The following NCOA6 variants were observed in gnomAD, a reference collection of about 807,000 sequenced individuals.
The protein encoded by NCOA6 is NRC RAP250.
Under a neutral mutation model 171.4 loss-of-function variants are expected in NCOA6, and 49 were observed. The ratio of observed to expected loss-of-function variants is 0.29; its 90% CI spans 0.23 to 0.36. NCOA6 has a LOEUF of 0.36. NCOA6 is among the 10% of genes least tolerant of loss of function. The pLI is 1.00. For missense variants in NCOA6, 2,248 were observed against 2,554.5 expected (o/e 0.88, Z 2.59); for synonymous variants, 910 against 927.5 (o/e 0.98, Z 0.34).
chr20:34,734,574 C>A (rs556135097), intron 12 of NCOA6, among the ~76,000 whole-genome samples: 3 of 152,108 alleles, frequency 2.0e-5, no homozygotes, highest in African/African-American at 7.2e-5. Context: ...TTGAACCCCT[C>A]GGCTCAATCA....
Position 34,758,837 on chromosome 20 carries a change from T to G in NCOA6, c.611A>C (p.Gln204Pro). The G allele has an allele frequency of 6.2e-7, 1 of 1,613,042 alleles. No individual in the cohort carries two copies. Among genetic ancestry groups the G allele is most frequent in the Non-Finnish European group, 8.5e-7 (1 of 1,179,774 alleles). The change falls in exon 6 of 15, where the codon CAG becomes CCG. Residue 204 changes from glutamine (Q) to proline (P), a missense_variant. This residue lies in a region of NCOA6 where 987 missense variants were observed against 1,104.7 expected (regional missense o/e 0.89). Coordinates refer to ENST00000359003, the MANE Select transcript of NCOA6 (RefSeq NM_014071.5). Reference protein sequence around the residue: ...MMAPGPNPELQPRTPRPASQS... With the variant: ...MMAPGPNPELPPRTPRPASQS... The stretch of plus-strand genomic sequence containing the variant: ...AGAAGCAGGGCGAGGAGTCCTGGGC[T>G]GCAGCTCTGGATTGGGGCCTGGTGC...
intron 2 of NCOA6, among the ~76,000 whole-genome samples, chr20:34,791,098 T>G (rs1055425316): frequency 1.4e-4 from 22 of 152,318 alleles, no homozygotes; most frequent in African/African-American, 5.1e-4. Flanking sequence ...GTTTTGGAAC[T>G]AGATAGAAGT....
intron 14 of NCOA6, 38 bp from the exon 15 acceptor site, chr20:34,715,403 C>T: frequency 1.3e-6 from 2 of 1,487,856 alleles, no homozygotes; most frequent in Non-Finnish European, 1.9e-6. Flanking sequence ...GTGGAAGTAA[C>T]TCTTTACAGC....
chr20:34,740,945 C>A lies in NCOA6; in HGVS notation c.5311G>T (p.Ala1771Ser). 1 of 1,614,168 alleles carries A rather than the reference C, an allele frequency of 6.2e-7. No individual in the cohort carries two copies. The highest frequency in any genetic ancestry group is 8.5e-7 in the Non-Finnish European group (1 of 1,180,044). The change falls in exon 11 of 15, where the codon GCT becomes TCT. Residue 1771 changes from alanine to serine, a missense_variant. Ala to Ser is a moderately conservative substitution (Grantham distance 99). This residue lies in a region of NCOA6 where 884 missense variants were observed against 941.9 expected (regional missense o/e 0.94). Coordinates refer to ENST00000359003, the MANE Select transcript of NCOA6 (RefSeq NM_014071.5). ...GCTGAGGTGTTCACCTGAGGGCTAG[C>A]CTCATCTGGATTCAATTCTTTCACT... ...QQVKELNPDE[A>S]SPQVNTSADQ...
intron 1 of NCOA6, among the ~76,000 whole-genome samples, chr20:34,811,789 G>A (rs1023450827): frequency 6.6e-6 from 1 of 152,118 alleles, no homozygotes; most frequent in Non-Finnish European, 1.5e-5. Context: ...AATTAAGTTG[G>A]CCTTGTAACC....
At chr20:34,817,273 T>C (rs1437334852) in intron 1 of NCOA6, among the ~76,000 whole-genome samples, 1 of 151,662 alleles carries the variant, frequency 6.6e-6, no homozygotes, top group African/African-American at 2.4e-5. Flanking sequence ...GGGGAGGGGT[T>C]GCAGCTGGTT....
chr20:34,759,064 C>G (rs1220816476), intron 5 of NCOA6, 131 bp from the exon 6 acceptor site: 2 of 971,996 alleles, frequency 2.1e-6, no homozygotes, highest in African/African-American at 3.3e-5. Flanking sequence ...GCTCTGTTGC[C>G]CAGTCTGCCA....
intron 11 of NCOA6, among the ~76,000 whole-genome samples, chr20:34,737,958 G>C (rs577834455): frequency 7.6e-4 from 116 of 152,258 alleles, no homozygotes; most frequent in African/African-American, 2.7e-3. Context: ...TAGTGCAATG[G>C]CAGGATCTCG....
chr20:34,741,793 G>A lies in NCOA6; in HGVS notation c.4463C>T (p.Pro1488Leu), dbSNP rs1261953281. 6.2e-7 allele frequency: 1 copy of A among 1,614,042 alleles called. No individual in the cohort carries two copies. Among genetic ancestry groups the A allele is most frequent in the African/African-American group, 1.3e-5 (1 of 74,904 alleles). Residue 1488 changes from proline (P) to leucine (L), a missense_variant, in exon 11 of 15, where the codon CCA becomes CTA. Pro to Leu is a moderately conservative substitution (Grantham distance 98). Coordinates refer to ENST00000359003, the MANE Select transcript of NCOA6 (RefSeq NM_014071.5). ...GTCAAGAAGTTGACTTAACGATGTT[G>A]GTGCTTCCCTCATAGCAGGAGACAC... is the stretch of plus-strand genomic sequence containing the variant. ...NLVSPAMREA[P>L]TSLSQLLDNS...
Position 34,750,339 on chromosome 20 carries a change from G to A in NCOA6, c.1856C>T (p.Ser619Phe), listed in dbSNP as rs376942665. The change falls in exon 9 of 15, where the codon TCT becomes TTT. Residue 619 changes from serine to phenylalanine, a missense_variant. Physicochemically the swap from Ser to Phe is radical, Grantham distance 155. Around this residue, in one of 7 missense-constraint regions of NCOA6, gnomAD observed 987 missense variants for 1,104.7 expected, o/e 0.89. Transcript: ENST00000359003. ...TTGCTGGTGCATGCCCATCAGCTGA[G>A]ATGGTGGGCCCTGCTGGGGCTGGCC... is the stretch of plus-strand genomic sequence containing the variant. ...MQGQPQQGPPSQLMGMHQQIV... is the reference protein window; with the variant it reads ...MQGQPQQGPPFQLMGMHQQIV... 8.7e-6 allele frequency: 14 copies of A among 1,613,544 alleles called. No individual in the cohort carries two copies. Among genetic ancestry groups the A allele is most frequent in the Non-Finnish European group, 1.1e-5 (13 of 1,179,878 alleles).
At chr20:34,767,542 T>C (rs997476713) in intron 5 of NCOA6, among the ~76,000 whole-genome samples, 1 of 152,170 alleles carries the variant, frequency 6.6e-6, no homozygotes, top group Non-Finnish European at 1.5e-5. Flanking sequence ...GTGATCCACC[T>C]GCCTCGGCCT....
intron 1 of NCOA6, among the ~76,000 whole-genome samples, chr20:34,815,213 C>CCAA (rs57249728): frequency 0.16 from 22,806 of 140,404 alleles, 1,963 homozygotes; most frequent in South Asian, 0.32. Flanking sequence ...TTCTCTACCC[C>CCAA]AAAAAAAAAA....
In NCOA6 at chr20:34,740,595, T is replaced by C; in HGVS notation, c.5661A>G (p.Leu1887=). The change falls in exon 11 of 15, where the codon CTA becomes CTG. Residue 1887 remains leucine, a synonymous_variant. Transcript: ENST00000359003. ...KTPTPPAPTL[L]KMTSSPVGPG... is the part of the protein sequence containing the mutation. ...GGCCCACAGGGCTAGAGGTCATTTTTAGCAGAGTGGGTGCTGGGGGCGTTG... is the reference window on the plus strand; with the variant it reads ...GGCCCACAGGGCTAGAGGTCATTTTCAGCAGAGTGGGTGCTGGGGGCGTTG... 12 of 1,614,206 alleles carry C rather than the reference T, an allele frequency of 7.4e-6. No individual in the cohort carries two copies. The highest frequency in any genetic ancestry group is 1.0e-5 in the Non-Finnish European group (12 of 1,180,036).
intron 6 of NCOA6, 109 bp from the exon 7 acceptor site, chr20:34,758,213 C>T (rs1309870522): frequency 2.0e-5 from 28 of 1,381,538 alleles, no homozygotes; most frequent in Admixed American, 4.9e-5. Flanking sequence ...TGGTACTATT[C>T]GATAAAATAA....
intron 7 of NCOA6, among the ~76,000 whole-genome samples, chr20:34,756,299 A>G (rs2076639012): frequency 6.6e-6 from 1 of 152,196 alleles, no homozygotes; most frequent in Admixed American, 6.5e-5. Context: ...ATGTCAGCAA[A>G]ATTAATTACA....
At chr20:34,768,710 GA>G in intron 4 of NCOA6, 124 bp from the exon 5 acceptor site, 2 of 1,068,234 alleles carry the variant, frequency 1.9e-6, no homozygotes, top group Non-Finnish European at 2.7e-6. Context: ...TTTACCACCA[GA>G]AAAATGGTGG....
Position 34,746,930 on chromosome 20 carries a change from TAAAAAAAAAA to T in NCOA6, c.2793-12_2793-3del, listed in dbSNP as rs11484299. The T allele has an allele frequency of 5.3e-6, 6 of 1,138,800 alleles. No individual in the cohort carries two copies. Among genetic ancestry groups the T allele is most frequent in the Non-Finnish European group, 6.5e-6 (6 of 920,550 alleles). 70.5% of individuals were successfully genotyped at this position (1,138,800 alleles called of 1,614,324 possible). Reference sequence around the variant, plus strand: ...CCAGCTGGGCGAGTATCTGGGGTGCTAAAAAAAAAAAAAAAAAAAAAAGTGACATATTTTA... The same window carrying T: ...CCAGCTGGGCGAGTATCTGGGGTGCTAAAAAAAAAAAAGTGACATATTTTA... On this transcript the variant is annotated splice_polypyrimidine_tract_variant and splice_region_variant and intron_variant, in intron 9 of 14. Transcript: ENST00000359003.
Position 34,758,079 on chromosome 20 carries a change from C to G in NCOA6, c.669G>C (p.Gly223=). 2 of 1,611,836 alleles carry G rather than the reference C, an allele frequency of 1.2e-6. No homozygotes were observed. The highest frequency in any genetic ancestry group is 1.7e-6 in the Non-Finnish European group (2 of 1,178,274). ...QSDAMDPLLS[G]LHIQQQSHPS... The stretch of plus-strand genomic sequence containing the variant: ...GATGACTTTGCTGCTGTATATGGAG[C>G]CCAGAGAGGAGTGGATCCATTGCAT... Residue 223 remains glycine (G), a synonymous_variant, in exon 7 of 15, where the codon GGG becomes GGC. Transcript: ENST00000359003.
chr20:34,811,201 G>GTATGTATA (rs1244311939), intron 1 of NCOA6, among the ~76,000 whole-genome samples: 6 of 53,816 alleles, frequency 1.1e-4, no homozygotes, highest in East Asian at 5.4e-4. Flanking sequence ...ACAACAACGT[G>GTATGTATA]TATATATATA....
Sources: gnomAD v4.1 joint callset for allele counts (sites outside exome capture counted in the v4.1 genomes callset) on GRCh38, gnomAD v4.1.1 for gene constraint, gnomAD v4.1.1 regional missense constraint, MANE v1.5 for transcripts, NCBI Gene and HGNC (gene_info 2026-07-23, HGNC 2026-07-21) for gene names.